Variants in SRFBP1 observed in about 807,000 individuals in gnomAD.
SRFBP1 encodes serum response factor-binding protein 1.
SRFBP1 carries 47 observed loss-of-function variants against 45.5 expected under a neutral mutation model. The ratio of observed to expected loss-of-function variants is 1.03; its 90% CI spans 0.82 to 1.32. SRFBP1 has a LOEUF of 1.32. Among genes scored for constraint, SRFBP1 ranks in the 40% most tolerant of loss-of-function variants. The pLI is 0.00. For synonymous variants in SRFBP1, 203 were observed against 166.3 expected (o/e 1.22, Z -1.70); for missense variants, 621 against 484.6 (o/e 1.28, Z -2.64).
chr5:122,075,299 A>G, intron 2 of SRFBP1: 1 of 1,020,320 alleles, frequency 9.8e-7, no homozygotes, highest in Non-Finnish European at 1.4e-6. Flanking sequence ...AAGTAATAGC[A>G]ATTTTCTCCC....
chr5:122,019,958 A>G (rs778131268), intron 5 of SRFBP1, 130 bp from the exon 6 acceptor site: 3 of 538,214 alleles, frequency 5.6e-6, no homozygotes, highest in South Asian at 7.5e-5. Flanking sequence ...CAGACCGAGT[A>G]TATGTATTTA....
At chr5:122,051,336 C>T (rs140416095) in intron 2 of SRFBP1, among the ~76,000 whole-genome samples, 1 of 152,040 alleles carries the variant, frequency 6.6e-6, no homozygotes, top group Non-Finnish European at 1.5e-5. Context: ...AATAATCTGT[C>T]TAATACTGTC....
chr5:121,978,113 T>A (rs1752340694), intron 3 of SRFBP1, among the ~76,000 whole-genome samples: 1 of 152,178 alleles, frequency 6.6e-6, no homozygotes, highest in Non-Finnish European at 1.5e-5. Context: ...AGTCTCTTAC[T>A]CAATAATAAA....
At chr5:121,962,623 A>G (rs1025830475) in intron 1 of SRFBP1, among the ~76,000 whole-genome samples, 5 of 152,104 alleles carry the variant, frequency 3.3e-5, no homozygotes, top group Admixed American at 1.3e-4. Flanking sequence ...TATACTTGCT[A>G]TCCTCAATTC....
chr5:122,030,772 T>C (rs567691675), downstream of SRFBP1, among the ~76,000 whole-genome samples: 1 of 152,280 alleles, frequency 6.6e-6, no homozygotes, highest in African/African-American at 2.4e-5. Context: ...TATTACTCTT[T>C]TTAACCAAAA....
chr5:121,974,750 A>G (rs575009583), intron 2 of SRFBP1, among the ~76,000 whole-genome samples: 65 of 152,012 alleles, frequency 4.3e-4, no homozygotes, highest in African/African-American at 1.5e-3. Context: ...ATTTTTTGGA[A>G]AAATACAATA....
At chr5:121,971,714 C>G (rs1317548905) in intron 1 of SRFBP1, among the ~76,000 whole-genome samples, 4 of 151,920 alleles carry the variant, frequency 2.6e-5, no homozygotes, top group East Asian at 3.9e-4. Context: ...CCCCTCAACT[C>G]TTAACATTTT....
rs1554060034 is a variant in SRFBP1 at position 122,058,546 on chromosome 5, G to GTGTGTGTGTGTGTGTGTT, written n.312-16752_312-16751insTTGTGTGTGTGTGTGTGT. Among the ~76,000 whole-genome samples the GTGTGTGTGTGTGTGTGTT allele has an allele frequency of 4.8e-4, 73 of 151,324 alleles. 1 individual carries two copies. Among genetic ancestry groups the GTGTGTGTGTGTGTGTGTT allele is most frequent in the Admixed American group, 1.3e-3 (20 of 15,170 alleles). ...AATGAGATAGTGTGTGTGTGTGTGT[G>GTGTGTGTGTGTGTGTGTT]TGTGTGTGTGTGTGTGTGTGTGTGT... On this transcript the variant is annotated intron_variant and non_coding_transcript_variant, in intron 2 of 2. Transcript: ENST00000504881.
intron 1 of SRFBP1, among the ~76,000 whole-genome samples, chr5:121,969,280 G>C (rs1752140937): frequency 6.6e-6 from 1 of 152,088 alleles, no homozygotes; most frequent in South Asian, 2.1e-4. Flanking sequence ...CTGACCATCA[G>C]CTGCTTGGTA....
chr5:122,030,864 T>C (rs1753579471), downstream of SRFBP1, among the ~76,000 whole-genome samples: 1 of 152,096 alleles, frequency 6.6e-6, no homozygotes, highest in African/African-American at 2.4e-5. Context: ...ACATAAATAG[T>C]TCAGAAAGGT....
chr5:122,002,280 A>G (rs768984362), intron 4 of SRFBP1, among the ~76,000 whole-genome samples: 12 of 152,220 alleles, frequency 7.9e-5, no homozygotes, highest in Non-Finnish European at 1.8e-4. Flanking sequence ...TTAAGGTTTC[A>G]TTAACATAGC....
intron 2 of SRFBP1, among the ~76,000 whole-genome samples, chr5:122,073,702 G>T (rs1300352660): frequency 6.6e-6 from 1 of 152,154 alleles, no homozygotes; most frequent in African/African-American, 2.4e-5. Flanking sequence ...ATCATGAATA[G>T]GGGCCACATG....
At chr5:121,987,246 G>GA (rs1186560388) in intron 3 of SRFBP1, among the ~76,000 whole-genome samples, 3 of 152,102 alleles carry the variant, frequency 2.0e-5, no homozygotes, top group African/African-American at 7.2e-5. Context: ...GAAGCATAGT[G>GA]AAGGGACTCC....
intron 4 of SRFBP1, among the ~76,000 whole-genome samples, chr5:122,017,158 G>A (rs146090887): frequency 0.023 from 3,539 of 152,208 alleles, 140 homozygotes; most frequent in African/African-American, 0.08. Context: ...GAACCCGGGA[G>A]GCGGAGGTTG....
intron 3 of SRFBP1, among the ~76,000 whole-genome samples, chr5:121,984,958 A>G (rs1426249697): frequency 2.0e-5 from 3 of 151,918 alleles, no homozygotes; most frequent in Admixed American, 6.6e-5. Flanking sequence ...ACTTTGCCAG[A>G]AAAGTTCAAA....
At chr5:122,023,791 C>T (rs554679571) in intron 7 of SRFBP1, among the ~76,000 whole-genome samples, 6 of 152,124 alleles carry the variant, frequency 3.9e-5, no homozygotes, top group Admixed American at 6.5e-5. Flanking sequence ...CACTATACAC[C>T]TCCTCAAAAA....
At chr5:122,018,320 C>G (rs926031273) in intron 4 of SRFBP1, among the ~76,000 whole-genome samples, 3 of 151,948 alleles carry the variant, frequency 2.0e-5, no homozygotes, top group Non-Finnish European at 4.4e-5. Flanking sequence ...TTATGTTGGT[C>G]CAGGTGAGAG....
chr5:122,052,484 A>G (rs1040754635), intron 2 of SRFBP1, among the ~76,000 whole-genome samples: 1 of 151,990 alleles, frequency 6.6e-6, no homozygotes, highest in African/African-American at 2.4e-5. Context: ...TGACTGAATT[A>G]TTTCAGAGTG....
Position 122,024,580 on chromosome 5 carries a change from T to A in SRFBP1, c.1105+2173T>A, listed in dbSNP as rs140615347. On this transcript the variant is annotated intron_variant, in intron 7 of 7. Transcript: ENST00000339397. The stretch of plus-strand genomic sequence containing the variant: ...TGAGGTTTTTATGGTCCAGGCCTTT[T>A]ACTCACATTTTATTGGCCATAACTC... Among the ~76,000 whole-genome samples, 764 of 152,284 alleles carry A rather than the reference T, an allele frequency of 5.0e-3. 10 individuals are homozygous for A. The highest frequency in any genetic ancestry group is 0.017 in the African/African-American group (721 of 41,562).
Sources: gnomAD v4.1 joint callset for allele counts (sites outside exome capture counted in the v4.1 genomes callset) on GRCh38, gnomAD v4.1.1 for gene constraint, MANE v1.5 for transcripts, NCBI Gene and HGNC (gene_info 2026-07-23, HGNC 2026-07-21) for gene names.